Variants in MOB3B observed in about 807,000 individuals in gnomAD.
MOB3B encodes the protein MOB kinase activator 3B.
Under a neutral mutation model 18.7 loss-of-function variants are expected in MOB3B, and 7 were observed. That is an observed-to-expected ratio of 0.37 (90% CI 0.21 to 0.70). MOB3B has a LOEUF of 0.70. MOB3B is among the 30% of genes least tolerant of loss of function. The pLI is 0.52. For synonymous variants in MOB3B, 111 were observed against 99.9 expected (o/e 1.11, Z -0.66); for missense variants, 253 against 281.3 (o/e 0.90, Z 0.72).
At chr9:27,457,134 C>G (rs777248269) in intron 1 of MOB3B, among the ~76,000 whole-genome samples, 2 of 152,206 alleles carry the variant, frequency 1.3e-5, no homozygotes, top group Non-Finnish European at 2.9e-5. Flanking sequence ...CAAATGCTTT[C>G]TCTACATGGC....
intron 2 of MOB3B, among the ~76,000 whole-genome samples, chr9:27,451,218 A>G (rs778216375): frequency 9.9e-5 from 15 of 152,146 alleles, no homozygotes; most frequent in Non-Finnish European, 1.9e-4. Flanking sequence ...TTTTTAAGTC[A>G]TGGCTTTCTA....
At chr9:27,403,843 A>G (rs545113946) in intron 2 of MOB3B, among the ~76,000 whole-genome samples, 2 of 152,238 alleles carry the variant, frequency 1.3e-5, no homozygotes, top group African/African-American at 4.8e-5. Context: ...GGCACATGTG[A>G]TATTCTGATA....
At position 27,341,888 on chromosome 9, in the gene MOB3B, C is replaced by G. The variant is rs184111559; in HGVS notation, c.622-11272G>C. ...CTATCTTTTTTTCTATATCAGGGAC[C>G]AGAAAATGACAGTTCATGGGTCAAA... On this transcript the variant is annotated intron_variant, in intron 3 of 3. Coordinates refer to ENST00000262244, the MANE Select transcript of MOB3B (RefSeq NM_024761.5). Among the ~76,000 whole-genome samples, 171 of 152,238 alleles carry G rather than the reference C, an allele frequency of 1.1e-3. 2 individuals carry two copies. The highest frequency in any genetic ancestry group is 9.2e-3 in the Admixed American group (140 of 15,294).
intron 1 of MOB3B, among the ~76,000 whole-genome samples, chr9:27,494,099 C>A (rs541195116): frequency 6.6e-5 from 10 of 152,310 alleles, no homozygotes; most frequent in Middle Eastern, 6.8e-3. Flanking sequence ...AGACCCCAGT[C>A]TCCCATAGTG....
At chr9:27,398,762 T>C (rs1408728645) in intron 2 of MOB3B, among the ~76,000 whole-genome samples, 1 of 152,200 alleles carries the variant, frequency 6.6e-6, no homozygotes, top group Non-Finnish European at 1.5e-5. Context: ...TAGTTACATA[T>C]AATCAAATAC....
At chr9:27,386,167 G>T (rs1160436189) in intron 2 of MOB3B, among the ~76,000 whole-genome samples, 1 of 152,214 alleles carries the variant, frequency 6.6e-6, no homozygotes, top group Non-Finnish European at 1.5e-5. Context: ...CTCCCTTGCT[G>T]CCTCATTTGT....
intron 2 of MOB3B, among the ~76,000 whole-genome samples, chr9:27,367,500 G>A (rs978153869): frequency 9.9e-5 from 15 of 152,196 alleles, no homozygotes; most frequent in East Asian, 5.8e-4. Flanking sequence ...TTCCAGCTGT[G>A]GGACTTCTGT....
chr9:27,428,985 C>T (rs910881347), intron 2 of MOB3B, among the ~76,000 whole-genome samples: 3 of 152,206 alleles, frequency 2.0e-5, no homozygotes, highest in African/African-American at 7.2e-5. Flanking sequence ...GGAAAATAAA[C>T]ATGACATTCT....
chr9:27,397,896 AG>A, intron 2 of MOB3B, among the ~76,000 whole-genome samples: 1 of 152,328 alleles, frequency 6.6e-6, no homozygotes, highest in African/African-American at 2.4e-5. Flanking sequence ...GGTGTTTAGT[AG>A]TATCTACCCG....
chr9:27,395,832 CA>C (rs1318305552), intron 2 of MOB3B, among the ~76,000 whole-genome samples: 1 of 152,124 alleles, frequency 6.6e-6, no homozygotes, highest in Admixed American at 6.5e-5. Flanking sequence ...TGTTGCTCCT[CA>C]GTGGCATCTA....
chr9:27,336,201 G>C (rs752133868), intron 3 of MOB3B, among the ~76,000 whole-genome samples: 8 of 152,202 alleles, frequency 5.3e-5, no homozygotes, highest in Non-Finnish European at 1.0e-4. Context: ...CAGCTAGTCA[G>C]TGTAACAATA....
intron 2 of MOB3B, among the ~76,000 whole-genome samples, chr9:27,381,127 T>C (rs1023432128): frequency 1.3e-5 from 2 of 152,122 alleles, no homozygotes; most frequent in African/African-American, 4.8e-5. Flanking sequence ...GAGGTGCTGC[T>C]GAATGGTGGA....
At chr9:27,529,463 C>G (rs1204371939) in intron 1 of MOB3B, 92 bp downstream of exon 1, 2 of 855,534 alleles carry the variant, frequency 2.3e-6, no homozygotes, top group Non-Finnish European at 2.8e-6. Context: ...CCCAGGTGCG[C>G]CCCAAACCTC....
chr9:27,363,937 G>T (rs566218575), intron 2 of MOB3B, among the ~76,000 whole-genome samples: 32 of 152,118 alleles, frequency 2.1e-4, no homozygotes, highest in African/African-American at 6.0e-4. Flanking sequence ...TGGAGACAAG[G>T]TCCCACTATG....
At chr9:27,468,714 T>A (rs1414919912) in intron 1 of MOB3B, among the ~76,000 whole-genome samples, 2 of 152,244 alleles carry the variant, frequency 1.3e-5, no homozygotes, top group Non-Finnish European at 2.9e-5. Flanking sequence ...TAACTTTTTG[T>A]GGTTAAACTG....
intron 2 of MOB3B, among the ~76,000 whole-genome samples, chr9:27,388,243 T>G (rs1472970842): frequency 6.6e-6 from 1 of 152,194 alleles, no homozygotes; most frequent in Admixed American, 6.5e-5. Context: ...CAAAGGTGAC[T>G]GATTTGCGTC....
At chr9:27,484,159 A>T (rs1272504968) in intron 1 of MOB3B, among the ~76,000 whole-genome samples, 1 of 152,232 alleles carries the variant, frequency 6.6e-6, no homozygotes, top group Non-Finnish European at 1.5e-5. Context: ...GTCCTATCAC[A>T]GTTGTCTGGA....
intron 3 of MOB3B, among the ~76,000 whole-genome samples, chr9:27,353,404 T>C (rs1001996712): frequency 3.3e-4 from 50 of 152,152 alleles, no homozygotes; most frequent in Non-Finnish European, 5.9e-5. Context: ...ACTTATGAAG[T>C]ACTTCCTCCA....
At chr9:27,435,075 C>T (rs935294200) in intron 2 of MOB3B, among the ~76,000 whole-genome samples, 1 of 150,728 alleles carries the variant, frequency 6.6e-6, no homozygotes, top group East Asian at 1.9e-4. Context: ...CTCTCTCTCT[C>T]TCTCTCTCTT....
Sources: gnomAD v4.1 joint callset for allele counts (sites outside exome capture counted in the v4.1 genomes callset) on GRCh38, gnomAD v4.1.1 for gene constraint, MANE v1.5 for transcripts, NCBI Gene and HGNC (gene_info 2026-07-23, HGNC 2026-07-21) for gene names.